CIMAP1D: variants seen among roughly 807,000 people sequenced by gnomAD.
The protein encoded by CIMAP1D is CIMAP1 family member D, also known as protein CIMAP1D.
At chr19:484,123 CTTTTCTTTTCT>C in the CIMAP1D span, among the ~76,000 whole-genome samples, 1 of 146,790 alleles carries the variant, frequency 6.8e-6, no homozygotes, top group South Asian at 2.5e-4. Context: ...TTATTTTTTT[CTTTTCTTTTCT>C]TTTTCTTTTT....
the CIMAP1D span, among the ~76,000 whole-genome samples, chr19:471,596 C>A: frequency 1.3e-5 from 2 of 152,012 alleles, no homozygotes; most frequent in African/African-American, 4.8e-5. Context: ...GCACACACTA[C>A]CACACCCAGC....
At chr19:474,758 C>T in the CIMAP1D span, 11 of 1,502,842 alleles carry the variant, frequency 7.3e-6, no homozygotes, top group East Asian at 1.8e-4. Flanking sequence ...GGTGGGCAGG[C>T]GATGGCCCCC....
chr19:471,521 C>CA, the CIMAP1D span, among the ~76,000 whole-genome samples: 6 of 151,892 alleles, frequency 4.0e-5, no homozygotes, highest in Admixed American at 2.6e-4. Context: ...TAGCTCACTG[C>CA]AGCCCCGACC....
chr19:490,362 A>G, the CIMAP1D span: 1 of 192,012 alleles, frequency 5.2e-6, no homozygotes, highest in African/African-American at 2.3e-5. Flanking sequence ...AGCTAAAAAA[A>G]AAAGAAAGAA....
chr19:474,519 A>T, the CIMAP1D span: 1 of 1,211,750 alleles, frequency 8.3e-7, no homozygotes, highest in South Asian at 2.4e-5. Context: ...CTTGCCTGAA[A>T]CTCCTGCCTC....
At chr19:466,049 G>A in the CIMAP1D span, among the ~76,000 whole-genome samples, 3 of 142,590 alleles carry the variant, frequency 2.1e-5, no homozygotes, top group African/African-American at 8.8e-5. Context: ...TGGATGGGTG[G>A]GTGGATGGAT....
the CIMAP1D span, among the ~76,000 whole-genome samples, chr19:468,985 T>C: frequency 6.6e-6 from 1 of 151,434 alleles, no homozygotes; most frequent in Non-Finnish European, 1.5e-5. Flanking sequence ...GAGGAGTCCG[T>C]GGCACGCAGT....
chr19:467,572 G>GA, the CIMAP1D span: 1 of 905,808 alleles, frequency 1.1e-6, no homozygotes, highest in Non-Finnish European at 1.9e-6. Context: ...ATAAGAGGGG[G>GA]AGGGAGGACA....
At chr19:484,434 C>G in the CIMAP1D span, among the ~76,000 whole-genome samples, 1 of 152,208 alleles carries the variant, frequency 6.6e-6, no homozygotes, top group Non-Finnish European at 1.5e-5. Flanking sequence ...AGCCACCGCG[C>G]CTGGCCTCTT....
chr19:485,524 C>T, the CIMAP1D span, among the ~76,000 whole-genome samples: 41 of 152,342 alleles, frequency 2.7e-4, no homozygotes, highest in African/African-American at 9.1e-4. Flanking sequence ...TCCAGGCTGG[C>T]GCGATCACAG....
chr19:484,713 A>T, the CIMAP1D span, among the ~76,000 whole-genome samples: 2 of 152,076 alleles, frequency 1.3e-5, no homozygotes, highest in Admixed American at 6.5e-5. Flanking sequence ...CGGAGGAGCG[A>T]GGAGGAGGCC....
the CIMAP1D span, among the ~76,000 whole-genome samples, chr19:472,946 A>G: frequency 9.6e-6 from 1 of 103,730 alleles, no homozygotes; most frequent in Non-Finnish European, 2.4e-5. Flanking sequence ...ATACATGGTC[A>G]CAGATGGGGA....
At chr19:475,776 ATT>A in the CIMAP1D span, among the ~76,000 whole-genome samples, 129 of 138,622 alleles carry the variant, frequency 9.3e-4, no homozygotes, top group Admixed American at 9.5e-4. Flanking sequence ...TTGCAGTGTA[ATT>A]TTTTTTTTTT....
the CIMAP1D span, among the ~76,000 whole-genome samples, chr19:485,135 C>T: frequency 6.6e-6 from 1 of 151,868 alleles, no homozygotes; most frequent in Non-Finnish European, 1.5e-5. Context: ...CTCAACCCAG[C>T]GGAGGACCCT....
At chr19:484,647 G>A in the CIMAP1D span, among the ~76,000 whole-genome samples, 1 of 152,230 alleles carries the variant, frequency 6.6e-6, no homozygotes, top group Non-Finnish European at 1.5e-5. Context: ...TCTACGGGGT[G>A]TCTGGGGAGG....
chr19:463,836 G>C, the CIMAP1D span: 1 of 1,604,358 alleles, frequency 6.2e-7, no homozygotes, highest in East Asian at 2.2e-5. Context: ...GTGGGAAACA[G>C]GCCTGGCCTA....
At chr19:470,463 G>A in the CIMAP1D span, among the ~76,000 whole-genome samples, 8 of 151,912 alleles carry the variant, frequency 5.3e-5, no homozygotes, top group East Asian at 1.4e-3. Flanking sequence ...CACCCGCCTC[G>A]GCCTCCCGAA....
chr19:482,905 C>T, the CIMAP1D span, among the ~76,000 whole-genome samples: 24,637 of 152,160 alleles, frequency 0.16, 4,426 homozygotes, highest in African/African-American at 0.44. Context: ...TTACAATTTC[C>T]TGCAGTGAAC....
the CIMAP1D span, among the ~76,000 whole-genome samples, chr19:483,656 C>T: frequency 6.6e-6 from 1 of 152,084 alleles, no homozygotes; most frequent in East Asian, 1.9e-4. Flanking sequence ...AGGCACCCTG[C>T]AGTGGCCGGG....
Sources: allele counts gnomAD v4.1 joint callset (sites outside exome capture counted in the v4.1 genomes callset), GRCh38; gene constraint gnomAD v4.1.1; transcripts MANE v1.5; gene names NCBI Gene and HGNC (gene_info 2026-07-23, HGNC 2026-07-21).